The following ESR1 variants were observed in gnomAD, a reference collection of about 807,000 sequenced individuals.
ESR1 encodes estrogen receptor 1, also known as estrogen receptor.
In ESR1, 12 loss-of-function variants were observed where a neutral mutation model predicts 52.7. The ratio of observed to expected loss-of-function variants is 0.23; its 90% CI spans 0.15 to 0.37. The LOEUF (loss-of-function observed/expected upper bound fraction) is 0.37, where lower values mean the gene tolerates loss of function less well. Ranked by LOEUF, ESR1 falls within the 10% of genes least tolerant of loss-of-function variation. ESR1 has a pLI of 1.00. For missense variants in ESR1, 584 were observed against 779.7 expected (o/e 0.75, Z 2.99); for synonymous variants, 305 against 316.8 (o/e 0.96, Z 0.39).
chr6:152,046,655 A>G (rs1336916714), intron 5 of ESR1, among the ~76,000 whole-genome samples: 4 of 152,208 alleles, frequency 2.6e-5, no homozygotes, highest in Non-Finnish European at 5.9e-5. Context: ...AGAATTGCCA[A>G]TGAGTTGTAA....
intron 4 of ESR1, among the ~76,000 whole-genome samples, chr6:151,987,319 C>T (rs1233983290): frequency 4.6e-5 from 7 of 152,008 alleles, no homozygotes; most frequent in Admixed American, 2.0e-4. Context: ...AGTACAGTGG[C>T]GCAATCTCCG....
intron 2 of ESR1, among the ~76,000 whole-genome samples, chr6:151,776,373 G>A (rs567508272): frequency 6.6e-6 from 1 of 152,346 alleles, no homozygotes; most frequent in South Asian, 2.1e-4. Context: ...TAACAAAGCA[G>A]AGGCTGTCTG....
At position 151,855,358 on chromosome 6, in the gene ESR1, C is replaced by T. The variant is rs184597217; in HGVS notation, c.643+12571C>T. On this transcript the variant is annotated intron_variant, in intron 2 of 7. Coordinates refer to ENST00000206249, the MANE Select transcript of ESR1 (RefSeq NM_000125.4). ...ATTGCTAGCATGCTGATTACTCTTC[C>T]TATTCTACAAGTGCCTGCAGGCCAG... Among the ~76,000 whole-genome samples, 231 of 152,148 alleles carry T rather than the reference C, an allele frequency of 1.5e-3. 1 individual carries two copies. The highest frequency in any genetic ancestry group is 5.4e-3 in the African/African-American group (224 of 41,524).
intron 4 of ESR1, among the ~76,000 whole-genome samples, chr6:151,981,634 T>G (rs945670523): frequency 6.6e-6 from 1 of 152,232 alleles, no homozygotes; most frequent in Non-Finnish European, 1.5e-5. Flanking sequence ...GAAATACGTG[T>G]AGGATGCCTA....
intron 4 of ESR1, among the ~76,000 whole-genome samples, chr6:151,963,362 A>G (rs1387198926): frequency 3.0e-4 from 45 of 152,188 alleles, no homozygotes; most frequent in Admixed American, 2.9e-3. Context: ...GGTAAGAGTG[A>G]TCCCAGCATT....
At chr6:151,845,466 G>A (rs1583623196) in intron 2 of ESR1, among the ~76,000 whole-genome samples, 1 of 152,178 alleles carries the variant, frequency 6.6e-6, no homozygotes, top group Non-Finnish European at 1.5e-5. Flanking sequence ...CTACTTGGGA[G>A]GCTGAGGCAG....
chr6:152,103,399 C>T (rs9341086), downstream of ESR1: 10 of 160,050 alleles, frequency 6.2e-5, no homozygotes, highest in Admixed American at 5.2e-4. Flanking sequence ...CTCTCCTCAC[C>T]TCACTCCCTC....
rs189550638 is a variant in ESR1, at chr6:152,099,216, A to T, written c.*250A>T. ...AGCTCTCTTTCCCCCTTGCTATGTT[A>T]CTAAGCGTGAGGATTCCCGTAGCTC... is the stretch of plus-strand genomic sequence containing the variant. On this transcript the variant is annotated 3_prime_UTR_variant, in exon 8 of 8. Coordinates refer to ENST00000206249, the MANE Select transcript of ESR1 (RefSeq NM_000125.4). The T allele has an allele frequency of 1.8e-6, 1 of 546,068 alleles. No individual in the cohort carries two copies. The highest frequency in any genetic ancestry group is 3.3e-6 in the Non-Finnish European group (1 of 300,150). 33.8% of individuals were successfully genotyped at this position (546,068 alleles called of 1,614,324 possible). A position where few individuals can be genotyped will look rare whatever the true frequency, so the allele number is the denominator to read the frequency against.
intron 6 of ESR1, among the ~76,000 whole-genome samples, chr6:152,116,463 A>ATGTATATG (rs1370218431): frequency 9.2e-5 from 14 of 152,342 alleles, no homozygotes; most frequent in African/African-American, 3.4e-4. Flanking sequence ...ATTCTTAAAA[A>ATGTATATG]TGTATATGTT....
At chr6:151,942,729 A>G (rs2035217460) in intron 3 of ESR1, among the ~76,000 whole-genome samples, 1 of 151,934 alleles carries the variant, frequency 6.6e-6, no homozygotes. Context: ...CACGCTAGTT[A>G]TTTGTTATAA....
chr6:151,836,437 T>C (rs1462196742), intron 1 of ESR1, among the ~76,000 whole-genome samples: 1 of 152,118 alleles, frequency 6.6e-6, no homozygotes, highest in East Asian at 1.9e-4. Context: ...ATGAGAAATA[T>C]TCACTATCAT....
upstream of ESR1, among the ~76,000 whole-genome samples, chr6:151,799,961 A>T (rs1777074949): frequency 6.6e-6 from 1 of 152,180 alleles, no homozygotes; most frequent in Admixed American, 6.5e-5. Flanking sequence ...CTCTTGATAA[A>T]TGAGGATAGT....
chr6:151,743,805 A>G (rs1483880306), intron 2 of ESR1, among the ~76,000 whole-genome samples: 1 of 152,212 alleles, frequency 6.6e-6, no homozygotes, highest in Non-Finnish European at 1.5e-5. Context: ...TCTAAAATGT[A>G]CAGTCTGGTA....
At chr6:151,927,670 C>A (rs1037934427) in intron 3 of ESR1, among the ~76,000 whole-genome samples, 1 of 151,958 alleles carries the variant, frequency 6.6e-6, no homozygotes, top group African/African-American at 2.4e-5. Flanking sequence ...TCCAAGAGAC[C>A]AGTCGTGGTG....
At chr6:151,738,841 A>G (rs536468091) in intron 2 of ESR1, among the ~76,000 whole-genome samples, 1 of 152,324 alleles carries the variant, frequency 6.6e-6, no homozygotes, top group African/African-American at 2.4e-5. Context: ...GTTGATTAAA[A>G]TGAAATGACT....
At chr6:151,783,339 C>T (rs1013700429) in intron 2 of ESR1, among the ~76,000 whole-genome samples, 21 of 152,284 alleles carry the variant, frequency 1.4e-4, no homozygotes, top group Admixed American at 2.0e-4. Flanking sequence ...GAGAAGGGCA[C>T]GCAATTTGTT....
At chr6:151,776,778 CAG>C in intron 2 of ESR1, among the ~76,000 whole-genome samples, 1 of 150,626 alleles carries the variant, frequency 6.6e-6, no homozygotes, top group South Asian at 2.1e-4. Context: ...GCAGAGGTTG[CAG>C]AGAGCCGAGA....
At chr6:151,789,219 G>T (rs76471718) in intron 2 of ESR1, among the ~76,000 whole-genome samples, 4,675 of 152,276 alleles carry the variant, frequency 0.031, 114 homozygotes, top group Non-Finnish European at 0.048. Context: ...TTGGAAAATA[G>T]CCAAGGAAAA....
At chr6:151,810,498 G>C (rs1382644320) in intron 1 of ESR1, among the ~76,000 whole-genome samples, 1 of 152,024 alleles carries the variant, frequency 6.6e-6, no homozygotes, top group African/African-American at 2.4e-5. Context: ...AATGACTCTG[G>C]GTATAAAGGA....
Sources: allele counts gnomAD v4.1 joint callset (sites outside exome capture counted in the v4.1 genomes callset), GRCh38; gene constraint gnomAD v4.1.1; transcripts MANE v1.5; gene names NCBI Gene and HGNC (gene_info 2026-07-23, HGNC 2026-07-21).